FBXW7: variants seen among roughly 807,000 people sequenced by gnomAD.
FBXW7 encodes F-box and WD repeat domain containing 7, also known as F-box/WD repeat-containing protein 7.
FBXW7 carries 11 observed loss-of-function variants against 86.3 expected under a neutral mutation model. The ratio of observed to expected loss-of-function variants is 0.13; its 90% confidence interval spans 0.08 to 0.21. The LOEUF is 0.21. Among genes scored for constraint, FBXW7 ranks in the 10% least tolerant of loss-of-function variants. FBXW7 has a pLI of 1.00. For missense variants in FBXW7, 488 were observed against 847.4 expected, an observed-to-expected ratio of 0.58 and a Z score of 5.27; for synonymous variants, 313 against 297.9, an observed-to-expected ratio of 1.05 and a Z score of -0.52.
intron 4 of FBXW7, among the ~76,000 whole-genome samples, chr4:152,401,071 A>T (rs549221769): frequency 6.6e-6 from 1 of 152,210 alleles, no homozygotes; most frequent in Non-Finnish European, 1.5e-5. Context: ...GAGCCACAGG[A>T]ACTCTCATTC....
chr4:152,419,358 A>G (rs1388717230), intron 2 of FBXW7, among the ~76,000 whole-genome samples: 1 of 152,072 alleles, frequency 6.6e-6, no homozygotes, highest in African/African-American at 2.4e-5. Flanking sequence ...ACGGGGTTGA[A>G]TTTTCCCCCA....
intron 2 of FBXW7, among the ~76,000 whole-genome samples, chr4:152,421,473 G>A (rs1421123227): frequency 6.6e-6 from 1 of 152,104 alleles, no homozygotes; most frequent in Non-Finnish European, 1.5e-5. Context: ...CGAGGTGGGA[G>A]GACTGCTTGA....
chr4:152,385,889 A>T (rs996698369), intron 4 of FBXW7, among the ~76,000 whole-genome samples: 1 of 152,096 alleles, frequency 6.6e-6, no homozygotes, highest in Admixed American at 6.6e-5. Flanking sequence ...GATTGGGCAA[A>T]GTGAGTACTA....
At chr4:152,500,496 CAA>C (rs34375454) in intron 2 of FBXW7, among the ~76,000 whole-genome samples, 120 of 73,082 alleles carry the variant, frequency 1.6e-3, no homozygotes, top group Non-Finnish European at 1.9e-3. Flanking sequence ...GCTTTGTCAG[CAA>C]AAAAAAAAAA....
intron 2 of FBXW7, among the ~76,000 whole-genome samples, chr4:152,440,953 G>A (rs551071140): frequency 1.3e-5 from 2 of 149,370 alleles, no homozygotes; most frequent in South Asian, 2.1e-4. Context: ...TTTCAATAAC[G>A]TTCACTAAGC....
intron 4 of FBXW7, among the ~76,000 whole-genome samples, chr4:152,395,848 T>C (rs909405846): frequency 2.6e-5 from 4 of 152,072 alleles, no homozygotes; most frequent in African/African-American, 9.7e-5. Flanking sequence ...TGATGTCTAG[T>C]GAAAAATAGG....
chr4:152,478,938 TA>T (rs1220399358), intron 2 of FBXW7, among the ~76,000 whole-genome samples: 3 of 152,062 alleles, frequency 2.0e-5, no homozygotes, highest in African/African-American at 4.8e-5. Flanking sequence ...TCTAAGGTTA[TA>T]AAAAAATTAC....
At chr4:152,475,902 T>C (rs1050576172) in intron 2 of FBXW7, among the ~76,000 whole-genome samples, 17 of 152,270 alleles carry the variant, frequency 1.1e-4, no homozygotes, top group African/African-American at 3.8e-4. Flanking sequence ...ATTGGCAAAA[T>C]GTCAGTCTCC....
chr4:152,373,033 A>C (rs1381861476), intron 4 of FBXW7, among the ~76,000 whole-genome samples: 1 of 152,004 alleles, frequency 6.6e-6, no homozygotes, highest in African/African-American at 2.4e-5. Context: ...TTAAAATTCC[A>C]AGATTATATG....
intron 6 of FBXW7, among the ~76,000 whole-genome samples, chr4:152,342,231 G>A (rs1316206753): frequency 6.6e-6 from 1 of 152,150 alleles, no homozygotes; most frequent in Non-Finnish European, 1.5e-5. Context: ...AGGGCACAGA[G>A]GTAGTAGAGA....
intron 2 of FBXW7, among the ~76,000 whole-genome samples, chr4:152,484,489 A>G (rs1053254941): frequency 1.3e-5 from 2 of 152,138 alleles, no homozygotes; most frequent in Non-Finnish European, 2.9e-5. Flanking sequence ...ATACAAGGGG[A>G]AAAAGGGACA....
chr4:152,453,423 A>G (rs1441005100), intron 2 of FBXW7, among the ~76,000 whole-genome samples: 1 of 152,132 alleles, frequency 6.6e-6, no homozygotes, highest in East Asian at 1.9e-4. Flanking sequence ...CAGTCTATTC[A>G]GTCACCCATT....
At position 152,423,372 on chromosome 4, in the gene FBXW7, G is replaced by C. The variant is rs1293670471; in HGVS notation, c.-119-10843C>G. The stretch of plus-strand genomic sequence containing the variant: ...TGTATTACTCTAGCATGAGCTAGTT[G>C]AGCTATTAGATAATATTTGACAGTA... On this transcript the variant is annotated intron_variant, in intron 2 of 13. Coordinates refer to ENST00000281708, the MANE Select transcript of FBXW7 (RefSeq NM_001349798.2). Among the ~76,000 whole-genome samples, 4 of 152,144 alleles carry C rather than the reference G, an allele frequency of 2.6e-5. No individual in the cohort carries two copies. The South Asian group carries it at 8.3e-4, about 31-fold the overall frequency.
chr4:152,491,341 C>T (rs561339602), intron 2 of FBXW7, among the ~76,000 whole-genome samples: 1 of 152,168 alleles, frequency 6.6e-6, no homozygotes, highest in African/African-American at 2.4e-5. Flanking sequence ...TTATTCTAGA[C>T]ATTAAAACAG....
chr4:152,444,037 T>C (rs1275174587), intron 2 of FBXW7, among the ~76,000 whole-genome samples: 2 of 142,724 alleles, frequency 1.4e-5, no homozygotes, highest in Admixed American at 1.5e-4. Context: ...TCTACAAACA[T>C]GTGCTTCTCT....
chr4:152,470,184 T>G (rs1743822690), intron 2 of FBXW7, among the ~76,000 whole-genome samples: 1 of 152,192 alleles, frequency 6.6e-6, no homozygotes, highest in South Asian at 2.1e-4. Context: ...CCTTATAATT[T>G]AAATTTTATA....
At chr4:152,503,894 G>A (rs1484028021) in intron 2 of FBXW7, among the ~76,000 whole-genome samples, 2 of 152,074 alleles carry the variant, frequency 1.3e-5, no homozygotes, top group African/African-American at 4.8e-5. Context: ...GAGTTGAATT[G>A]TTCAGTATGT....
At chr4:152,388,740 A>C (rs1735755788) in intron 4 of FBXW7, among the ~76,000 whole-genome samples, 1 of 152,160 alleles carries the variant, frequency 6.6e-6, no homozygotes, top group Non-Finnish European at 1.5e-5. Flanking sequence ...TACAAAGAGG[A>C]GGCTAAATAT....
intron 4 of FBXW7, chr4:152,352,966 C>T (rs974962005): frequency 3.0e-5 from 41 of 1,369,130 alleles, no homozygotes; most frequent in Non-Finnish European, 8.5e-6. Context: ...AAGAACACAA[C>T]GCACTGAACA....
Sources: gnomAD v4.1 joint callset for allele counts (sites outside exome capture counted in the v4.1 genomes callset) on GRCh38, gnomAD v4.1.1 for gene constraint, MANE v1.5 for transcripts, NCBI Gene and HGNC (gene_info 2026-07-23, HGNC 2026-07-21) for gene names.